HAPLN1: variants seen among roughly 807,000 people sequenced by gnomAD.
HAPLN1 encodes Cartilage link protein.
HAPLN1 carries 13 observed loss-of-function variants against 36.5 expected under a neutral mutation model. The ratio of observed to expected loss-of-function variants is 0.36; its 90% confidence interval spans 0.23 to 0.57. The LOEUF (loss-of-function observed/expected upper bound fraction) is 0.57, where lower values mean the gene tolerates loss of function less well. Ranked by LOEUF, HAPLN1 falls within the 20% of genes least tolerant of loss-of-function variation. The pLI, the probability that HAPLN1 is intolerant of heterozygous loss-of-function variation, is 0.83. For missense variants in HAPLN1, 407 were observed against 439.7 expected (o/e 0.93, Z 0.66); for synonymous variants, 202 against 169.8 (o/e 1.19, Z -1.48).
chr5:83,682,462 T>C (rs745698779), intron 1 of HAPLN1: 1 of 152,198 alleles, frequency 6.6e-6, no homozygotes, highest in Non-Finnish European at 1.5e-5. Flanking sequence ...TACTAAGTCA[T>C]AATAAAAATA....
intron 4 of HAPLN1, among the ~76,000 whole-genome samples, chr5:83,642,205 A>G (rs1749722236): frequency 6.6e-6 from 1 of 152,164 alleles, no homozygotes; most frequent in African/African-American, 2.4e-5. Context: ...AAGGATCAAA[A>G]CACATTCCTG....
intron 2 of HAPLN1, among the ~76,000 whole-genome samples, chr5:83,659,336 C>A (rs1428164083): frequency 1.3e-5 from 2 of 151,884 alleles, no homozygotes; most frequent in African/African-American, 2.4e-5. Context: ...GAAGTTTAAA[C>A]TTTGACCTGA....
intron 1 of HAPLN1, among the ~76,000 whole-genome samples, chr5:83,707,907 G>A (rs1387485556): frequency 7.2e-5 from 11 of 152,178 alleles, no homozygotes; most frequent in East Asian, 1.9e-4. Context: ...GGCAAAGGAC[G>A]TCAACAGAAT....
At chr5:83,649,360 A>G (rs768260336) in intron 3 of HAPLN1, among the ~76,000 whole-genome samples, 8 of 151,952 alleles carry the variant, frequency 5.3e-5, no homozygotes, top group South Asian at 2.1e-4. Flanking sequence ...TCTCTTATCT[A>G]TGATGCCCTC....
In HAPLN1 at chr5:83,644,592, C is replaced by T. The variant is rs751709272; in HGVS notation, c.546G>A (p.Leu182=). Residue 182 remains leucine (L), a synonymous_variant, in exon 4 of 5, where the codon CTG becomes CTA. Transcript: ENST00000274341. The part of the protein sequence containing the change: ...LNFHEAQQAC[L]DQDAVIASFD... ...AGGAGGCGATCACAGCATCCTGGTC[C>T]AGACACGCCTGCTGCGCCTCGTGAA... is the stretch of plus-strand genomic sequence containing the variant. 1 of 1,564,332 alleles carries T rather than the reference C, an allele frequency of 6.4e-7. No homozygotes were observed. The highest frequency in any genetic ancestry group is 1.9e-5 in the Admixed American group (1 of 52,808).
Position 83,644,630 on chromosome 5 carries a change from A to T in HAPLN1, c.508T>A (p.Tyr170Asn). 6.7e-7 allele frequency: 1 copy of T among 1,500,516 alleles called. No homozygotes were observed. The highest frequency in any genetic ancestry group is 8.9e-7 in the Non-Finnish European group (1 of 1,121,880). The allele number at this position is 1,500,516 out of a possible 1,614,324, so 93.0% of individuals were successfully genotyped here. The change falls in exon 4 of 5, where the codon TAC (tyrosine) becomes AAC (asparagine). Residue 170 changes from tyrosine to asparagine, a missense_variant. Transcript: ENST00000274341. ...TGCGCCTCGTGAAAATTGAGATTGT[A>T]GCGCCCCAGTCGTGGAAAGTAAGGG... ...VFPYFPRLGR[Y>N]NLNFHEAQQA...
At chr5:83,720,265 G>A (rs146768434) in intron 1 of HAPLN1, among the ~76,000 whole-genome samples, 184 of 152,310 alleles carry the variant, frequency 1.2e-3, no homozygotes, top group Non-Finnish European at 2.2e-3. Context: ...GCTGGAGAAG[G>A]AAGCCTGGGC....
intron 1 of HAPLN1, among the ~76,000 whole-genome samples, chr5:83,692,350 A>C (rs1195369136): frequency 6.6e-6 from 1 of 151,934 alleles, no homozygotes; most frequent in Non-Finnish European, 1.5e-5. Flanking sequence ...GAAACTGCTT[A>C]AAACCAGTGG....
At chr5:83,705,094 T>C (rs893676363) in intron 1 of HAPLN1, among the ~76,000 whole-genome samples, 2 of 152,076 alleles carry the variant, frequency 1.3e-5, no homozygotes, top group African/African-American at 4.8e-5. Flanking sequence ...AAGTCAAGAC[T>C]AAGAAAATTG....
intron 2 of HAPLN1, among the ~76,000 whole-genome samples, chr5:83,673,172 C>T (rs1048293112): frequency 1.3e-5 from 2 of 152,178 alleles, no homozygotes; most frequent in African/African-American, 2.4e-5. Flanking sequence ...CTGCACTTAA[C>T]AGCCTTGAAC....
intron 1 of HAPLN1, among the ~76,000 whole-genome samples, chr5:83,682,719 A>T (rs1751035388): frequency 6.6e-6 from 1 of 152,226 alleles, no homozygotes; most frequent in Non-Finnish European, 1.5e-5. Flanking sequence ...AAAAGGGAAA[A>T]TACAATATCT....
At chr5:83,645,755 C>A (rs1192363897) in intron 3 of HAPLN1, among the ~76,000 whole-genome samples, 1 of 151,536 alleles carries the variant, frequency 6.6e-6, no homozygotes, top group Non-Finnish European at 1.5e-5. Flanking sequence ...TTTTTCCCTG[C>A]CCTTAAATAG....
At chr5:83,690,548 G>GAT in intron 1 of HAPLN1, among the ~76,000 whole-genome samples, 1 of 151,990 alleles carries the variant, frequency 6.6e-6, no homozygotes, top group Non-Finnish European at 1.5e-5. Flanking sequence ...TATATGTGGA[G>GAT]ATATGTTAAT....
chr5:83,696,432 T>G (rs944384649), intron 1 of HAPLN1, among the ~76,000 whole-genome samples: 7 of 152,046 alleles, frequency 4.6e-5, no homozygotes, highest in African/African-American at 1.7e-4. Flanking sequence ...GTAAATTCCC[T>G]GGAATAGCCA....
chr5:83,678,601 A>G (rs906770047), intron 1 of HAPLN1, among the ~76,000 whole-genome samples: 8 of 152,196 alleles, frequency 5.3e-5, no homozygotes, highest in African/African-American at 1.9e-4. Flanking sequence ...CCCTCAAAGC[A>G]TCACTCTGGG....
intron 2 of HAPLN1, among the ~76,000 whole-genome samples, chr5:83,660,793 C>A (rs1261057407): frequency 6.6e-6 from 1 of 152,078 alleles, no homozygotes; most frequent in African/African-American, 2.4e-5. Context: ...GTCACTTAAC[C>A]TTTCTGTACC....
At chr5:83,669,308 G>A (rs59378166) in intron 2 of HAPLN1, among the ~76,000 whole-genome samples, 13,428 of 152,034 alleles carry the variant, frequency 0.088, 1,034 homozygotes, top group African/African-American at 0.19. Flanking sequence ...TTACCAGCCT[G>A]GCCAACATTG....
intron 2 of HAPLN1, among the ~76,000 whole-genome samples, chr5:83,660,674 G>T (rs1750360689): frequency 6.6e-6 from 1 of 152,058 alleles, no homozygotes; most frequent in Non-Finnish European, 1.5e-5. Flanking sequence ...ACTCTGTTCT[G>T]TTGATAAAGT....
At chr5:83,692,790 G>A (rs1029830529) in intron 1 of HAPLN1, among the ~76,000 whole-genome samples, 26 of 151,762 alleles carry the variant, frequency 1.7e-4, no homozygotes, top group African/African-American at 6.0e-4. Context: ...ATGAATGTAC[G>A]GTGGGGTTTT....
Sources: gnomAD v4.1 joint callset for allele counts (sites outside exome capture counted in the v4.1 genomes callset) on GRCh38, gnomAD v4.1.1 for gene constraint, MANE v1.5 for transcripts, NCBI Gene and HGNC (gene_info 2026-07-23, HGNC 2026-07-21) for gene names.